Variants in STX8 observed in about 807,000 individuals in gnomAD.
STX8 encodes the protein syntaxin 8.
STX8 carries 23 observed loss-of-function variants against 37.5 expected under a neutral mutation model. That is an observed-to-expected ratio of 0.61 (90% CI 0.44 to 0.87). The LOEUF (loss-of-function observed/expected upper bound fraction) is 0.87. Among genes scored for constraint, STX8 ranks in the 40% least tolerant of loss-of-function variants. STX8 has a pLI of 0.00. For synonymous variants in STX8, 115 were observed against 99.1 expected (o/e 1.16, Z -0.95); for missense variants, 313 against 284.7 (o/e 1.10, Z -0.71).
At chr17:9,518,915 C>T (rs546183342) in intron 4 of STX8, among the ~76,000 whole-genome samples, 1 of 151,670 alleles carries the variant, frequency 6.6e-6, no homozygotes, top group Non-Finnish European at 1.5e-5. Flanking sequence ...TAAAGACATT[C>T]ATTCTATGCC....
rs538393281 is a variant in STX8 at position 9,298,818 on chromosome 17, C to CAAACA, written c.644-48178_644-48174dup. ...CAAGAGCGAAACTCTGTCTCAAAAA[C>CAAACA]AAACAAAACAAAACAAAACAAAACC... is the stretch of plus-strand genomic sequence containing the variant. On this transcript the variant is annotated intron_variant, in intron 7 of 7. Coordinates refer to ENST00000306357, the MANE Select transcript of STX8 (RefSeq NM_004853.3). 1.5e-3 allele frequency among the ~76,000 whole-genome samples: 231 copies of CAAACA among 152,232 alleles called. 7 individuals are homozygous for CAAACA. In the East Asian group the frequency reaches 0.032, roughly 21 times the overall value.
rs752810557 is a variant in STX8, at chr17:9,491,852, C to T, written c.518G>A (p.Gly173Glu). ...SRQKQMGQEI[G>E]NELDEQNEII... is the part of the protein sequence containing the mutation. Reference sequence around the variant, plus strand: ...ACCATTTTGTTCATCCAATTCATTCCCAATTTCCTGCCCCATTTGTTTTTG... The same window carrying T: ...ACCATTTTGTTCATCCAATTCATTCTCAATTTCCTGCCCCATTTGTTTTTG... Residue 173 changes from glycine to glutamate, a missense_variant, in exon 6 of 8, where the codon GGG (glycine) becomes GAG (glutamate). By Grantham distance (98) the Gly-to-Glu change is moderately conservative. Coordinates refer to ENST00000306357, the MANE Select transcript of STX8 (RefSeq NM_004853.3). 1 of 1,613,904 alleles carries T rather than the reference C, an allele frequency of 6.2e-7. No homozygotes were observed. Among genetic ancestry groups the T allele is most frequent in the South Asian group, 1.1e-5 (1 of 91,054 alleles).
intron 6 of STX8, among the ~76,000 whole-genome samples, chr17:9,416,557 C>T (rs1296917653): frequency 1.3e-5 from 2 of 151,504 alleles, no homozygotes; most frequent in South Asian, 2.1e-4. Context: ...TTAGTAGAGA[C>T]GGGATTTCGC....
At chr17:9,272,439 G>C (rs533692039) in intron 7 of STX8, among the ~76,000 whole-genome samples, 2 of 152,158 alleles carry the variant, frequency 1.3e-5, no homozygotes, top group African/African-American at 4.8e-5. Flanking sequence ...TATTTCCACC[G>C]CATCAGGGGT....
At chr17:9,556,408 C>T (rs927614626) in intron 3 of STX8, among the ~76,000 whole-genome samples, 5 of 151,978 alleles carry the variant, frequency 3.3e-5, no homozygotes, top group African/African-American at 9.7e-5. Flanking sequence ...TAACAAGTCA[C>T]GTATATTTTC....
intron 4 of STX8, among the ~76,000 whole-genome samples, chr17:9,529,299 G>A (rs1209969576): frequency 6.6e-6 from 1 of 152,124 alleles, no homozygotes; most frequent in Non-Finnish European, 1.5e-5. Context: ...ACGCATGTGT[G>A]TGTATCTGTA....
chr17:9,326,675 A>G (rs1909764191), intron 7 of STX8, among the ~76,000 whole-genome samples: 1 of 152,122 alleles, frequency 6.6e-6, no homozygotes, highest in Non-Finnish European at 1.5e-5. Flanking sequence ...CCCTGGTGAT[A>G]AGACACTAGT....
chr17:9,383,947 G>A (rs1360763764), intron 6 of STX8, among the ~76,000 whole-genome samples: 1 of 152,028 alleles, frequency 6.6e-6, no homozygotes, highest in Non-Finnish European at 1.5e-5. Context: ...AAACATTGCT[G>A]GGAGAAATGA....
chr17:9,550,540 C>T (rs544083777), intron 3 of STX8, among the ~76,000 whole-genome samples: 1 of 152,212 alleles, frequency 6.6e-6, no homozygotes, highest in Admixed American at 6.5e-5. Context: ...TGCCACTGCA[C>T]TCGAGCCTGG....
intron 3 of STX8, among the ~76,000 whole-genome samples, chr17:9,546,591 G>GTTTGTT (rs1906529737): frequency 3.8e-5 from 2 of 52,208 alleles, no homozygotes; most frequent in African/African-American, 1.6e-4. Flanking sequence ...TACAAAAGTG[G>GTTTGTT]TTTTTTTTTT....
intron 7 of STX8, among the ~76,000 whole-genome samples, chr17:9,265,361 G>A (rs530651038): frequency 1.2e-4 from 19 of 152,318 alleles, no homozygotes; most frequent in African/African-American, 4.3e-4. Context: ...GATGGGGCAC[G>A]CTAGTCGCTT....
intron 4 of STX8, among the ~76,000 whole-genome samples, chr17:9,529,049 C>A (rs6503226): frequency 2.0e-5 from 3 of 152,218 alleles, no homozygotes; most frequent in South Asian, 4.1e-4. Context: ...AGAGGGAAAC[C>A]GTTACAGAAA....
rs115430907 is a variant in STX8, at chr17:9,561,290, T to A, written c.118-3762A>T. Among the ~76,000 whole-genome samples the A allele has an allele frequency of 3.4e-3, 519 of 152,198 alleles. 4 individuals are homozygous for A. The highest frequency in any genetic ancestry group is 0.012 in the African/African-American group (493 of 41,534). ...AATGTCACTTACAAAATCAAGTTAA[T>A]AGAGAAAGCATTTATACTAAATATA... is the stretch of plus-strand genomic sequence containing the variant. On this transcript the variant is annotated intron_variant, in intron 2 of 7. Transcript: ENST00000306357.
At chr17:9,544,373 C>T (rs1318520775) in intron 4 of STX8, among the ~76,000 whole-genome samples, 1 of 152,100 alleles carries the variant, frequency 6.6e-6, no homozygotes, top group Non-Finnish European at 1.5e-5. Context: ...CAGAACCGGG[C>T]TCAGAGCAGC....
intron 7 of STX8, among the ~76,000 whole-genome samples, chr17:9,320,730 T>G (rs1005448590): frequency 1.4e-5 from 2 of 143,782 alleles, no homozygotes; most frequent in Non-Finnish European, 3.1e-5. Flanking sequence ...TCATCTCTAT[T>G]AAAAAAAAAA....
At chr17:9,488,821 A>AGTGTGTGTGT (rs71135988) in intron 6 of STX8, among the ~76,000 whole-genome samples, 154 of 143,958 alleles carry the variant, frequency 1.1e-3, no homozygotes, top group South Asian at 2.7e-3. Context: ...AGAGAGAGAG[A>AGTGTGTGTGT]GTGTGTGTGT....
intron 6 of STX8, among the ~76,000 whole-genome samples, chr17:9,389,888 T>TG (rs1413224458): frequency 6.6e-6 from 1 of 152,138 alleles, no homozygotes; most frequent in Non-Finnish European, 1.5e-5. Context: ...GGGGTGGTGG[T>TG]GACCTCTGAT....
intron 7 of STX8, among the ~76,000 whole-genome samples, chr17:9,299,230 G>A (rs1178372653): frequency 6.6e-6 from 1 of 152,082 alleles, no homozygotes; most frequent in African/African-American, 2.4e-5. Flanking sequence ...GCTCATCATA[G>A]TTTTCCACAT....
At chr17:9,281,132 G>A (rs745717885) in intron 7 of STX8, among the ~76,000 whole-genome samples, 6 of 152,164 alleles carry the variant, frequency 3.9e-5, no homozygotes, top group Admixed American at 6.5e-5. Flanking sequence ...TGACTTCAAC[G>A]TGGAGAATGG....
Sources: allele counts gnomAD v4.1 joint callset (sites outside exome capture counted in the v4.1 genomes callset), GRCh38; gene constraint gnomAD v4.1.1; transcripts MANE v1.5; gene names NCBI Gene and HGNC (gene_info 2026-07-23, HGNC 2026-07-21).